The following RYR2 variants were observed in gnomAD, a reference collection of about 807,000 sequenced individuals.
The protein encoded by RYR2 is ryanodine receptor 2.
In RYR2, 227 loss-of-function variants were observed where a neutral mutation model predicts 601.1. That is an observed-to-expected ratio of 0.38 (90% CI 0.34 to 0.42). The LOEUF (loss-of-function observed/expected upper bound fraction) is 0.42. RYR2 is among the 10% of genes least tolerant of loss of function. RYR2 has a pLI of 1.00. For missense variants in RYR2, 4,646 were observed against 6,156.5 expected (o/e 0.75, Z 8.21); for synonymous variants, 2,223 against 2,175.1 (o/e 1.02, Z -0.61).
intron 79 of RYR2, among the ~76,000 whole-genome samples, chr1:237,741,551 A>G (rs1467054938): frequency 2.0e-5 from 3 of 152,134 alleles, no homozygotes; most frequent in Non-Finnish European, 4.4e-5. Context: ...AGACCATAAT[A>G]ATAATAGCAG....
rs1573127804 is a variant in RYR2, at chr1:237,614,831, A to G, written c.5703A>G (p.Pro1901=). ...TGCTCCAAATGAAACTGCCAGAGCC[A>G]GTTAAATTGCAGGTAATCAGAACAA... ...EGLLQMKLPE[P]VKLQMCLLLQ... The change falls in exon 37 of 105, where the codon CCA becomes CCG. Residue 1901 remains proline, a synonymous_variant. Coordinates refer to ENST00000366574, the MANE Select transcript of RYR2 (RefSeq NM_001035.3). This position sits in a 1 kb window ranked among gnomAD's most constrained non-coding sequence, Gnocchi z 4.3. 6.4e-7 allele frequency: 1 copy of G among 1,568,726 alleles called. No homozygotes were observed. The highest frequency in any genetic ancestry group is 2.2e-5 in the East Asian group (1 of 44,500).
rs999722874 is a variant in RYR2, at chr1:237,226,376, G to C, written c.49-44121G>C. ...TTCTCCCCCTTAACTTGTCAGTGGC[G>C]TGGCGTACATGTTTTTGTTACTGAC... On this transcript the variant is annotated intron_variant, in intron 1 of 104. Transcript: ENST00000366574. 2.6e-5 allele frequency among the ~76,000 whole-genome samples: 4 copies of C among 152,136 alleles called. No homozygotes were observed. The South Asian group carries it at 6.2e-4, about 24-fold the overall frequency.
chr1:237,231,804 C>T (rs1054150324), intron 1 of RYR2, among the ~76,000 whole-genome samples: 2 of 152,114 alleles, frequency 1.3e-5, no homozygotes, highest in African/African-American at 2.4e-5. Context: ...TTCCACTTCC[C>T]TACTCCCACC....
chr1:237,386,870 A>C (rs1701994231), intron 8 of RYR2, among the ~76,000 whole-genome samples: 1 of 152,130 alleles, frequency 6.6e-6, no homozygotes, highest in African/African-American at 2.4e-5. Context: ...TAAAATGAAG[A>C]CTCCATAAAC....
chr1:237,480,691 G>T (rs1283240892), intron 17 of RYR2, among the ~76,000 whole-genome samples: 1 of 152,032 alleles, frequency 6.6e-6, no homozygotes, highest in Non-Finnish European at 1.5e-5. Flanking sequence ...CTCATTTTGT[G>T]TGTTTTATTT....
chr1:237,289,135 G>T (rs115932216), intron 2 of RYR2, among the ~76,000 whole-genome samples: 146 of 152,230 alleles, frequency 9.6e-4, no homozygotes, highest in Middle Eastern at 3.4e-3. Flanking sequence ...TCCATGGTTG[G>T]GGCACTCACA....
At chr1:237,049,309 G>A (rs1237839217) in intron 1 of RYR2, among the ~76,000 whole-genome samples, 2 of 152,160 alleles carry the variant, frequency 1.3e-5, no homozygotes, top group African/African-American at 4.8e-5. Context: ...ACTTCCAGGG[G>A]CACTGTTAGA....
intron 8 of RYR2, among the ~76,000 whole-genome samples, chr1:237,384,509 T>G: frequency 6.6e-6 from 1 of 152,224 alleles, no homozygotes. Context: ...ATTCCCCTTC[T>G]CAGAACTTCT....
chr1:237,631,573 G>C lies in RYR2; in HGVS notation c.6555+32G>C, dbSNP rs1014277048. The C allele has an allele frequency of 4.4e-6, 4 of 913,776 alleles. No individual in the cohort carries two copies. In the African/African-American group the frequency reaches 5.5e-5, roughly 13 times the overall value. 56.6% of individuals were successfully genotyped at this position (913,776 alleles called of 1,614,324 possible). A position where few individuals can be genotyped will look rare whatever the true frequency, so the allele number is the denominator to read the frequency against. On this transcript the variant is annotated intron_variant, in intron 42 of 104. Transcript: ENST00000366574. ...TCTTTGATTCCTGAGATGCTATTTAGTATCATCTCCTGGAGTATATAGATT... is the reference window on the plus strand; with the variant it reads ...TCTTTGATTCCTGAGATGCTATTTACTATCATCTCCTGGAGTATATAGATT...
At chr1:237,806,949 G>A (rs1455443703) in intron 99 of RYR2, among the ~76,000 whole-genome samples, 1 of 152,130 alleles carries the variant, frequency 6.6e-6, no homozygotes, top group Non-Finnish European at 1.5e-5. Flanking sequence ...TATTTTTCAA[G>A]TGTCCACTGG....
Position 237,206,430 on chromosome 1 carries a change from G to A in RYR2, c.49-64067G>A, listed in dbSNP as rs1265892570. On this transcript the variant is annotated intron_variant, in intron 1 of 104. Transcript: ENST00000366574. ...TGAAGTTGGATAGATAGCGTTAGGA[G>A]TGTAAGATACTGTTTTACCAATAAA... 2.6e-5 allele frequency among the ~76,000 whole-genome samples: 4 copies of A among 152,220 alleles called. No homozygotes were observed. The South Asian group carries it at 8.3e-4, about 32-fold the overall frequency.
chr1:237,437,729 G>A (rs1707543390), intron 12 of RYR2, among the ~76,000 whole-genome samples: 1 of 152,174 alleles, frequency 6.6e-6, no homozygotes. Flanking sequence ...GACTGAAAAA[G>A]CAGTGCTTGC....
chr1:237,643,468 T>C lies in RYR2; in HGVS notation c.7342+21T>C, dbSNP rs776327888. The C allele has an allele frequency of 8.7e-6, 14 of 1,613,620 alleles. No homozygotes were observed. The East Asian group carries it at 3.1e-4, about 36-fold the overall frequency. ...CAAAGGTAAGGCCAACTTCAATTTG[T>C]CCTAATTCAGTAGGATGTTGGATGA... is the stretch of plus-strand genomic sequence containing the variant. On this transcript the variant is annotated intron_variant, in intron 48 of 104. Coordinates refer to ENST00000366574, the MANE Select transcript of RYR2 (RefSeq NM_001035.3).
At chr1:237,357,694 A>C (rs1699419021) in intron 4 of RYR2, among the ~76,000 whole-genome samples, 1 of 152,130 alleles carries the variant, frequency 6.6e-6, no homozygotes, top group Non-Finnish European at 1.5e-5. Context: ...AATATCTCTG[A>C]TATTTTCTGA....
At chr1:237,110,522 T>G (rs1323600207) in intron 1 of RYR2, among the ~76,000 whole-genome samples, 1 of 151,764 alleles carries the variant, frequency 6.6e-6, no homozygotes, top group Non-Finnish European at 1.5e-5. Flanking sequence ...GGTGTATGGT[T>G]TTTTGTCCTT....
chr1:237,461,766 A>C (rs1659508657), intron 16 of RYR2, among the ~76,000 whole-genome samples: 1 of 151,622 alleles, frequency 6.6e-6, no homozygotes, highest in South Asian at 2.1e-4. Context: ...GTGCAAATGA[A>C]GAGAATCTCT....
intron 29 of RYR2, among the ~76,000 whole-genome samples, chr1:237,570,115 G>A (rs1672515770): frequency 6.6e-6 from 1 of 151,654 alleles, no homozygotes; most frequent in African/African-American, 2.4e-5. Flanking sequence ...CTATTTGAGA[G>A]GCTGAGGCAG....
At chr1:237,609,657 G>A (rs1677601912) in intron 35 of RYR2, among the ~76,000 whole-genome samples, 1 of 151,986 alleles carries the variant, frequency 6.6e-6, no homozygotes, top group Admixed American at 6.6e-5. Context: ...GAGCCATGGT[G>A]CCTAGCCCAG....
chr1:237,380,387 TA>T lies in RYR2; in HGVS notation c.576+2953del, dbSNP rs1558717970. ...ATATATATATATATATATATATATA[TA>T]TATATATATATATATATATATATAT... On this transcript the variant is annotated intron_variant, in intron 8 of 104. Coordinates refer to ENST00000366574, the MANE Select transcript of RYR2 (RefSeq NM_001035.3). 2.8e-3 allele frequency among the ~76,000 whole-genome samples: 76 copies of T among 27,074 alleles called. 6 individuals are homozygous for T. In the East Asian group the frequency reaches 0.044, roughly 16 times the overall value. The allele number at this position is 27,074 out of a possible 152,430, so 17.8% of individuals were successfully genotyped here.
Sources: allele counts gnomAD v4.1 joint callset (sites outside exome capture counted in the v4.1 genomes callset), GRCh38; gene constraint gnomAD v4.1.1; non-coding constraint Gnocchi (gnomAD v3.1); transcripts MANE v1.5; gene names NCBI Gene and HGNC (gene_info 2026-07-23, HGNC 2026-07-21).